Variants in CWC25 observed in about 807,000 individuals in gnomAD.
The protein encoded by CWC25 is pre-mRNA-splicing factor CWC25 homolog.
CWC25 carries 31 observed loss-of-function variants against 54.6 expected under a neutral mutation model. The observed-to-expected ratio is 0.57, with a 90% confidence interval of 0.43 to 0.77. CWC25 has a LOEUF of 0.77. Ranked by LOEUF, CWC25 falls within the 30% of genes least tolerant of loss-of-function variation. CWC25 has a pLI of 0.00. For missense variants in CWC25, 453 were observed against 529.3 expected, an observed-to-expected ratio of 0.86 and a Z score of 1.41; for synonymous variants, 151 against 187.0, an observed-to-expected ratio of 0.81 and a Z score of 1.57.
chr17:38,806,775 GTC>G lies in CWC25; in HGVS notation c.890_891del (p.Arg297ThrfsTer8). On this transcript the variant is annotated frameshift_variant, in exon 7 of 10. Coordinates refer to ENST00000614790, the MANE Select transcript of CWC25 (RefSeq NM_017748.5). LOFTEE classifies it high-confidence loss of function. ...GAATCCCACACTCACAGTTTGCTGG[GTC>G]TTGGGGACCGTGACCTTCTGCCCAG... ...RSLGRRSRSP[R>X]PSKLHNSKVN... The G allele has an allele frequency of 6.3e-7, 1 of 1,594,742 alleles. No individual in the cohort carries two copies. Among genetic ancestry groups the G allele is most frequent in the South Asian group, 1.1e-5 (1 of 88,226 alleles).
At chr17:38,825,019 G>T (rs530196957) in intron 1 of CWC25, 147 bp downstream of exon 1, 2 of 668,472 alleles carry the variant, frequency 3.0e-6, no homozygotes, top group Non-Finnish European at 4.9e-6. Flanking sequence ...TTGCCCTAAG[G>T]ATCCATCCCC....
chr17:38,822,351 C>T (rs570013913), intron 1 of CWC25, among the ~76,000 whole-genome samples: 20 of 152,276 alleles, frequency 1.3e-4, no homozygotes, highest in African/African-American at 4.8e-4. Context: ...GCATGAGCTA[C>T]CGTGCCTGGC....
rs1910995269 is a variant in CWC25, at chr17:38,801,009, T to C, written c.*1083A>G. The C allele has an allele frequency of 6.6e-6, 1 of 152,042 alleles. No homozygotes were observed. The highest frequency in any genetic ancestry group is 2.1e-4 in the South Asian group (1 of 4,822). The allele number at this position is 152,042 out of a possible 1,614,324, so 9.4% of individuals were successfully genotyped here. A position where few individuals can be genotyped will look rare whatever the true frequency, so the allele number is the denominator to read the frequency against. On this transcript the variant is annotated 3_prime_UTR_variant, in exon 10 of 10. Coordinates refer to ENST00000614790, the MANE Select transcript of CWC25 (RefSeq NM_017748.5). ...ACCGTGTTCGCCAGGATGGTCTCGA[T>C]CTCCTGACCTCGTGATCCGCCCACC...
intron 4 of CWC25, among the ~76,000 whole-genome samples, chr17:38,811,519 C>G (rs900502556): frequency 1.6e-5 from 2 of 127,170 alleles, no homozygotes; most frequent in Non-Finnish European, 3.1e-5. Context: ...CCACCTTGGG[C>G]AACAGAGCGA....
At chr17:38,822,144 A>C (rs920140404) in intron 1 of CWC25, among the ~76,000 whole-genome samples, 4 of 148,794 alleles carry the variant, frequency 2.7e-5, no homozygotes, top group Middle Eastern at 3.7e-3. Flanking sequence ...GGTCACGGCA[A>C]ACTCTGCCTC....
At chr17:38,820,835 G>A (rs1911891082) in intron 2 of CWC25, 66 bp downstream of exon 2, 1 of 1,528,040 alleles carries the variant, frequency 6.5e-7, no homozygotes, top group Admixed American at 2.0e-5. Flanking sequence ...TACAACACTG[G>A]ATGATGCATC....
chr17:38,811,039 T>A (rs966733580), intron 4 of CWC25, among the ~76,000 whole-genome samples: 2 of 150,668 alleles, frequency 1.3e-5, no homozygotes, highest in African/African-American at 4.9e-5. Context: ...GAGACCACCC[T>A]GGCCAATATG....
At position 38,825,115 on chromosome 17, in the gene CWC25, A is replaced by G. The variant is rs949984060; in HGVS notation, c.18+51T>C. On this transcript the variant is annotated intron_variant, in intron 1 of 9. Transcript: ENST00000614790. ...CCTTCCTCTACCCCCACCCCCTGCC[A>G]ATTTCCGTCCCGGCCTCAGTCCTCC... 9.5e-6 allele frequency: 11 copies of G among 1,160,546 alleles called. No individual in the cohort carries two copies. In the African/African-American group the frequency reaches 1.9e-4, roughly 20 times the overall value. The allele number at this position is 1,160,546 out of a possible 1,614,324, so 71.9% of individuals were successfully genotyped here. A position where few individuals can be genotyped will look rare whatever the true frequency, so the allele number is the denominator to read the frequency against.
rs28730320 is a variant in CWC25, at chr17:38,818,461, G to A, written c.191+2440C>T. Among the ~76,000 whole-genome samples, 534 of 150,190 alleles carry A rather than the reference G, an allele frequency of 3.6e-3. 4 individuals carry two copies. Among genetic ancestry groups the A allele is most frequent in the African/African-American group, 0.013 (518 of 40,934 alleles). ...CAAAAAATTAGCCGGGCGTGGTGGC[G>A]GGCGCCTGTAGTCCCAGCTACTCAG... On this transcript the variant is annotated intron_variant, in intron 2 of 9. Coordinates refer to ENST00000614790, the MANE Select transcript of CWC25 (RefSeq NM_017748.5).
chr17:38,825,050 T>G (rs978122471), intron 1 of CWC25, 116 bp downstream of exon 1: 6 of 977,128 alleles, frequency 6.1e-6, no homozygotes, highest in Middle Eastern at 3.2e-4. Flanking sequence ...AACGGCCTCC[T>G]CCCGGCGAAA....
chr17:38,812,868 AAG>A lies in CWC25; in HGVS notation c.429-6_429-5del, dbSNP rs1293080509. ...TTTTTTCTCCTCCTCCTTCTTCCTAAAGAGAGATAATTACAAAATTCATGACT... is the reference window on the plus strand; with the variant it reads ...TTTTTTCTCCTCCTCCTTCTTCCTAAAGAGATAATTACAAAATTCATGACT... On this transcript the variant is annotated splice_polypyrimidine_tract_variant and splice_region_variant and intron_variant, in intron 3 of 9. Coordinates refer to ENST00000614790, the MANE Select transcript of CWC25 (RefSeq NM_017748.5). 25 of 1,463,084 alleles carry A rather than the reference AAG, an allele frequency of 1.7e-5. No homozygotes were observed. The highest frequency in any genetic ancestry group is 1.2e-4 in the East Asian group (5 of 40,518). 90.6% of individuals were successfully genotyped at this position (1,463,084 alleles called of 1,614,324 possible). A position where few individuals can be genotyped will look rare whatever the true frequency, so the allele number is the denominator to read the frequency against.
intron 1 of CWC25, 125 bp downstream of exon 1, chr17:38,825,041 A>G: frequency 2.3e-6 from 2 of 877,052 alleles, no homozygotes; most frequent in Non-Finnish European, 3.4e-6. Context: ...CTTCAGGGCA[A>G]CGGCCTCCTC....
At chr17:38,804,894 G>A (rs1242538384) in intron 8 of CWC25, among the ~76,000 whole-genome samples, 1 of 151,456 alleles carries the variant, frequency 6.6e-6, no homozygotes, top group Non-Finnish European at 1.5e-5. Context: ...ATCACCTGAG[G>A]TTGGGAGTTC....
chr17:38,820,960 C>A lies in CWC25; in HGVS notation c.132G>T (p.Leu44=), dbSNP rs1911899407. 6.2e-7 allele frequency: 1 copy of A among 1,613,998 alleles called. No individual in the cohort carries two copies. Among genetic ancestry groups the A allele is most frequent in the African/African-American group, 1.3e-5 (1 of 75,060 alleles). The change falls in exon 2 of 10, where the codon CTG becomes CTT. Residue 44 remains leucine (L), a synonymous_variant. Transcript: ENST00000614790. The stretch of plus-strand genomic sequence containing the variant: ...TCTCTTCCCGGGCTCTCTCTTCTCG[C>A]AGCTCCCGCTGAAGCTCCTCAATCT... The part of the protein sequence containing the change: ...RKKIEELQRE[L]REERAREEMQ...
At chr17:38,812,957 C>T (rs947644258) in intron 3 of CWC25, 93 bp from the exon 4 acceptor site, 1 of 734,452 alleles carries the variant, frequency 1.4e-6, no homozygotes, top group Non-Finnish European at 2.3e-6. Context: ...ACAAACTGGC[C>T]CATGTTAAAA....
intron 7 of CWC25, 84 bp downstream of exon 7, chr17:38,806,681 G>A: frequency 8.2e-7 from 1 of 1,216,064 alleles, no homozygotes; most frequent in South Asian, 1.6e-5. Context: ...TCAATGGACG[G>A]ACATCACCAA....
intron 2 of CWC25, 148 bp downstream of exon 2, chr17:38,820,753 A>T: frequency 1.1e-6 from 1 of 913,150 alleles, no homozygotes. Context: ...CACAGCTAGT[A>T]CATGCAAAGC....
At chr17:38,816,883 A>G (rs1287404070) in intron 2 of CWC25, among the ~76,000 whole-genome samples, 2 of 149,628 alleles carry the variant, frequency 1.3e-5, no homozygotes, top group Non-Finnish European at 3.0e-5. Flanking sequence ...ACGAGGTTTC[A>G]CCGTGTTGGC....
intron 6 of CWC25, 47 bp from the exon 7 acceptor site, chr17:38,807,023 T>C (rs1225754358): frequency 6.5e-7 from 1 of 1,530,112 alleles, no homozygotes; most frequent in East Asian, 2.3e-5. Context: ...AAAATCCAGC[T>C]ATTCAGGAGA....
Sources: allele counts gnomAD v4.1 joint callset (sites outside exome capture counted in the v4.1 genomes callset), GRCh38; gene constraint gnomAD v4.1.1; transcripts MANE v1.5; gene names NCBI Gene and HGNC (gene_info 2026-07-23, HGNC 2026-07-21).